Variants in SORCS3 observed in about 807,000 individuals in gnomAD.
The protein encoded by SORCS3 is sortilin related VPS10 domain containing receptor 3, also known as VPS10 domain-containing receptor SorCS3.
SORCS3 carries 57 observed loss-of-function variants against 146.3 expected under a neutral mutation model. That is an observed-to-expected ratio of 0.39 (90% CI 0.31 to 0.49). SORCS3 has a LOEUF of 0.49. Ranked by LOEUF, SORCS3 falls within the 20% of genes least tolerant of loss-of-function variation. The pLI, the probability that SORCS3 is intolerant of heterozygous loss-of-function variation, is 0.92. For missense variants in SORCS3, 1,341 were observed against 1,575.5 expected, an observed-to-expected ratio of 0.85 and a Z score of 2.52; for synonymous variants, 653 against 618.5, an observed-to-expected ratio of 1.06 and a Z score of -0.83.
intron 4 of SORCS3, among the ~76,000 whole-genome samples, chr10:105,017,935 T>A (rs1452835344): frequency 6.6e-6 from 1 of 152,178 alleles, no homozygotes; most frequent in Non-Finnish European, 1.5e-5. Flanking sequence ...GCTGATGTAA[T>A]CTATGGAATG....
rs1452228083 is a variant in SORCS3 at position 104,950,883 on chromosome 10, C to T, written c.796-26452C>T. ...TATACAAATGGCTGTTTCCTCAGTACTCTCTAACTAAGAGGCTGGCCTCTA... is the reference window on the plus strand; with the variant it reads ...TATACAAATGGCTGTTTCCTCAGTATTCTCTAACTAAGAGGCTGGCCTCTA... On this transcript the variant is annotated intron_variant, in intron 3 of 26. Coordinates refer to ENST00000369701, the MANE Select transcript of SORCS3 (RefSeq NM_014978.3). Among the ~76,000 whole-genome samples the T allele has an allele frequency of 2.0e-5, 3 of 152,290 alleles. No individual in the cohort carries two copies. The East Asian group carries it at 5.8e-4, about 29-fold the overall frequency.
intron 1 of SORCS3, among the ~76,000 whole-genome samples, chr10:104,805,016 T>A (rs1418534406): frequency 6.6e-6 from 1 of 152,212 alleles, no homozygotes; most frequent in Non-Finnish European, 1.5e-5. Flanking sequence ...CACCCTTAGT[T>A]GATTCTCAGA....
At chr10:104,933,677 G>T (rs772651026) in intron 3 of SORCS3, among the ~76,000 whole-genome samples, 1 of 152,200 alleles carries the variant, frequency 6.6e-6, no homozygotes, top group African/African-American at 2.4e-5. Context: ...GACACGAGCC[G>T]TGTAAATCAT....
chr10:105,225,177 T>C (rs184702387), intron 20 of SORCS3, among the ~76,000 whole-genome samples: 1 of 152,224 alleles, frequency 6.6e-6, no homozygotes, highest in Non-Finnish European at 1.5e-5. Context: ...CATCAATGTT[T>C]TCTCCTATGT....
intron 1 of SORCS3, among the ~76,000 whole-genome samples, chr10:104,682,419 G>T (rs2015989596): frequency 6.6e-6 from 1 of 152,234 alleles, no homozygotes; most frequent in African/African-American, 2.4e-5. Flanking sequence ...GTAAAAAGGG[G>T]TTAATGATGT....
intron 20 of SORCS3, among the ~76,000 whole-genome samples, chr10:105,232,552 T>G (rs1353880988): frequency 1.3e-5 from 2 of 151,930 alleles, no homozygotes; most frequent in African/African-American, 2.4e-5. Flanking sequence ...TCTGTTCTAG[T>G]TTTTATTATT....
At chr10:104,712,218 G>T (rs951280048) in intron 1 of SORCS3, among the ~76,000 whole-genome samples, 1 of 152,154 alleles carries the variant, frequency 6.6e-6, no homozygotes, top group Admixed American at 6.5e-5. Flanking sequence ...ACCTGTACCA[G>T]TATGAGGAAA....
chr10:105,157,307 A>C, intron 10 of SORCS3, 23 bp downstream of exon 10: 1 of 1,612,808 alleles, frequency 6.2e-7, no homozygotes, highest in Non-Finnish European at 8.5e-7. Context: ...GCCTCATGGG[A>C]AGTTCACAGG....
At chr10:105,028,941 A>G (rs12772034) in intron 4 of SORCS3, among the ~76,000 whole-genome samples, 20,310 of 152,168 alleles carry the variant, frequency 0.13, 1,626 homozygotes, top group Middle Eastern at 0.19. Context: ...GGACTGAATA[A>G]GTGAATATTT....
intron 11 of SORCS3, among the ~76,000 whole-genome samples, chr10:105,163,907 C>T (rs2056289524): frequency 6.6e-6 from 1 of 151,794 alleles, no homozygotes; most frequent in Admixed American, 6.6e-5. Flanking sequence ...CACACACACA[C>T]ACACACACAC....
At chr10:105,133,785 C>A (rs2056038535) in intron 7 of SORCS3, among the ~76,000 whole-genome samples, 1 of 151,976 alleles carries the variant, frequency 6.6e-6, no homozygotes, top group Admixed American at 6.6e-5. Context: ...GAGACCCAGT[C>A]TCTACAAAAC....
At chr10:105,076,558 G>C (rs766821879) in intron 5 of SORCS3, among the ~76,000 whole-genome samples, 1 of 152,122 alleles carries the variant, frequency 6.6e-6, no homozygotes, top group Non-Finnish European at 1.5e-5. Flanking sequence ...GGGTGCACAG[G>C]CAGCCCTCGG....
intron 2 of SORCS3, among the ~76,000 whole-genome samples, chr10:104,884,914 C>G (rs2018667223): frequency 6.6e-6 from 1 of 151,734 alleles, no homozygotes; most frequent in Non-Finnish European, 1.5e-5. Flanking sequence ...ACTAGTTATT[C>G]TGCCCAGAGC....
intron 4 of SORCS3, among the ~76,000 whole-genome samples, chr10:105,003,129 T>A (rs1191418294): frequency 6.6e-6 from 1 of 152,184 alleles, no homozygotes; most frequent in South Asian, 2.1e-4. Context: ...AACAATGGCA[T>A]CGCTCTCATA....
intron 1 of SORCS3, among the ~76,000 whole-genome samples, chr10:104,836,574 T>C (rs924089687): frequency 6.6e-6 from 1 of 152,158 alleles, no homozygotes; most frequent in Admixed American, 6.5e-5. Context: ...TGTCCCTTAT[T>C]GTCACCTTAT....
chr10:104,686,755 A>G (rs1465341044), intron 1 of SORCS3, among the ~76,000 whole-genome samples: 2 of 152,028 alleles, frequency 1.3e-5, no homozygotes, highest in Admixed American at 6.5e-5. Flanking sequence ...TCCTGGGAGG[A>G]GCCCTGTGTA....
At chr10:104,725,814 G>A (rs1463601277) in intron 1 of SORCS3, among the ~76,000 whole-genome samples, 1 of 152,230 alleles carries the variant, frequency 6.6e-6, no homozygotes. Context: ...CGTTTGCTAA[G>A]ACCTTTGGAA....
chr10:105,207,862 A>G (rs1291673263), intron 16 of SORCS3, among the ~76,000 whole-genome samples: 1 of 152,216 alleles, frequency 6.6e-6, no homozygotes, highest in African/African-American at 2.4e-5. Flanking sequence ...AGCAAAGACC[A>G]TTAAGATGTT....
intron 1 of SORCS3, among the ~76,000 whole-genome samples, chr10:104,680,894 T>G (rs1207860202): frequency 1.3e-5 from 2 of 152,146 alleles, no homozygotes; most frequent in African/African-American, 4.8e-5. Flanking sequence ...ACGAAAAGCC[T>G]TAGCAAATAC....
Sources: gnomAD v4.1 joint callset for allele counts (sites outside exome capture counted in the v4.1 genomes callset) on GRCh38, gnomAD v4.1.1 for gene constraint, MANE v1.5 for transcripts, NCBI Gene and HGNC (gene_info 2026-07-23, HGNC 2026-07-21) for gene names.